Variants in CHKA observed in about 807,000 individuals in gnomAD.
CHKA encodes choline kinase alpha.
A neutral mutation model predicts 60.1 loss-of-function variants in CHKA; 34 were observed. The observed-to-expected ratio is 0.57, with a 90% CI of 0.43 to 0.75. CHKA has a LOEUF of 0.75. Ranked by LOEUF, CHKA falls within the 30% of genes least tolerant of loss-of-function variation. CHKA has a pLI of 0.00. For missense variants in CHKA, 563 were observed against 561.3 expected (o/e 1.00, Z -0.03); for synonymous variants, 217 against 223.1 (o/e 0.97, Z 0.24).
At chr11:68,059,584 T>G (rs1856147683) in intron 11 of CHKA, among the ~76,000 whole-genome samples, 1 of 152,242 alleles carries the variant, frequency 6.6e-6, no homozygotes, top group Non-Finnish European at 1.5e-5. Flanking sequence ...AATACTGACA[T>G]GCTATGTTTT....
At chr11:68,115,270 C>T (rs1032387229) in intron 1 of CHKA, among the ~76,000 whole-genome samples, 2 of 152,076 alleles carry the variant, frequency 1.3e-5, no homozygotes, top group Non-Finnish European at 2.9e-5. Flanking sequence ...AGGGCATAAC[C>T]CTGTTGAAGT....
chr11:68,091,088 T>G (rs1448558216), intron 2 of CHKA, among the ~76,000 whole-genome samples: 1 of 152,240 alleles, frequency 6.6e-6, no homozygotes, highest in African/African-American at 2.4e-5. Flanking sequence ...GAGCTCATGT[T>G]CCTTCCCAGT....
rs1858626189 is a variant in CHKA at position 68,121,026 on chromosome 11, T to C, written c.152A>G (p.Gln51Arg). ...AGGGGGCAGCGCGAGCGGCGGCTGT[T>C]GGCCGCCCAGCTGCTTGGACTCGAG... ...SDLESKQLGG[Q>R]QPPLALPPPP... is the part of the protein sequence containing the mutation. Residue 51 changes from glutamine to arginine, a missense_variant, in exon 1 of 12, where the codon CAA (glutamine) becomes CGA (arginine). By Grantham distance (43) the Gln-to-Arg change is conservative (BLOSUM62 1). Coordinates refer to ENST00000265689, the MANE Select transcript of CHKA (RefSeq NM_001277.3). 2 of 1,099,162 alleles carry C rather than the reference T, an allele frequency of 1.8e-6. No homozygotes were observed. The highest frequency in any genetic ancestry group is 5.2e-5 in the Admixed American group (1 of 19,242). The allele number at this position is 1,099,162 out of a possible 1,614,324, so 68.1% of individuals were successfully genotyped here. A position where few individuals can be genotyped will look rare whatever the true frequency, so the allele number is the denominator to read the frequency against.
intron 1 of CHKA, among the ~76,000 whole-genome samples, chr11:68,104,129 C>T (rs1251155519): frequency 6.6e-6 from 1 of 151,990 alleles, no homozygotes; most frequent in Non-Finnish European, 1.5e-5. Flanking sequence ...GGTATATATA[C>T]ACAGTAGAAT....
At chr11:68,103,737 C>A (rs989294663) in intron 1 of CHKA, among the ~76,000 whole-genome samples, 2 of 151,748 alleles carry the variant, frequency 1.3e-5, no homozygotes, top group African/African-American at 4.8e-5. Flanking sequence ...CATGGTGAAA[C>A]TCTGTCTCTA....
chr11:68,110,276 A>G (rs533661049), intron 1 of CHKA, among the ~76,000 whole-genome samples: 1 of 152,338 alleles, frequency 6.6e-6, no homozygotes, highest in East Asian at 1.9e-4. Flanking sequence ...ACTAATAAGA[A>G]AAGGAAATTA....
chr11:68,066,288 G>A, intron 8 of CHKA, 141 bp downstream of exon 8: 1 of 694,188 alleles, frequency 1.4e-6, no homozygotes, highest in Non-Finnish European at 2.5e-6. Context: ...CCGGCCACTG[G>A]ACGAGAAGCC....
intron 8 of CHKA, 77 bp from the exon 9 acceptor site, chr11:68,065,971 A>C: frequency 9.4e-7 from 1 of 1,059,814 alleles, no homozygotes; most frequent in African/African-American, 1.6e-5. Flanking sequence ...AGAAGAAAGA[A>C]AGGCTGAGTT....
At chr11:68,085,953 G>T (rs1857165117) in intron 2 of CHKA, among the ~76,000 whole-genome samples, 1 of 152,004 alleles carries the variant, frequency 6.6e-6, no homozygotes, top group Non-Finnish European at 1.5e-5. Context: ...TTTTAAATGA[G>T]ACTATGAAAA....
intron 2 of CHKA, among the ~76,000 whole-genome samples, chr11:68,091,456 C>G (rs1455767177): frequency 6.6e-6 from 1 of 152,024 alleles, no homozygotes; most frequent in African/African-American, 2.4e-5. Flanking sequence ...TCAAAAGGAC[C>G]CATTCTTGAC....
intron 1 of CHKA, among the ~76,000 whole-genome samples, chr11:68,118,568 C>T (rs887565060): frequency 2.0e-5 from 3 of 152,208 alleles, no homozygotes; most frequent in African/African-American, 7.2e-5. Context: ...TCTCCTTCTC[C>T]GCACCTCCAA....
At chr11:68,070,425 G>T in intron 5 of CHKA, 132 bp from the exon 6 acceptor site, 3 of 732,240 alleles carry the variant, frequency 4.1e-6, no homozygotes, top group South Asian at 1.7e-5. Flanking sequence ...CCCTCTGACT[G>T]CCATGACTGA....
chr11:68,076,383 T>C (rs1328393088), intron 3 of CHKA, among the ~76,000 whole-genome samples: 1 of 152,204 alleles, frequency 6.6e-6, no homozygotes, highest in East Asian at 1.9e-4. Context: ...CAAGAACTTT[T>C]TAGTCCTATG....
intron 11 of CHKA, among the ~76,000 whole-genome samples, chr11:68,059,883 G>T (rs752402588): frequency 1.3e-5 from 2 of 152,198 alleles, no homozygotes; most frequent in Non-Finnish European, 2.9e-5. Context: ...TAATGAACAT[G>T]CATGAGGCCA....
chr11:68,113,435 G>A (rs1199476456), intron 1 of CHKA, among the ~76,000 whole-genome samples: 5 of 152,154 alleles, frequency 3.3e-5, no homozygotes, highest in Admixed American at 6.5e-5. Context: ...GGTGGTTCAC[G>A]CCTGTAATCC....
chr11:68,102,081 CAG>C (rs1247886817), intron 1 of CHKA, among the ~76,000 whole-genome samples: 1 of 145,820 alleles, frequency 6.9e-6, no homozygotes, highest in Non-Finnish European at 1.5e-5. Context: ...GCCTGGGTGA[CAG>C]AGCAAGACTC....
At chr11:68,064,365 G>A (rs933241518) in intron 10 of CHKA, among the ~76,000 whole-genome samples, 160 bp downstream of exon 10, 7 of 151,234 alleles carry the variant, frequency 4.6e-5, no homozygotes, top group South Asian at 4.2e-4. Context: ...CCGAGATTGC[G>A]CCACTGCACT....
At chr11:68,061,693 AGG>A (rs1363751125) in intron 11 of CHKA, 1 of 540,566 alleles carries the variant, frequency 1.8e-6, no homozygotes, top group Non-Finnish European at 3.6e-6. Flanking sequence ...TCTCTGAAGC[AGG>A]GGAGGCAAGG....
chr11:68,098,972 G>A (rs1223144361), intron 1 of CHKA, among the ~76,000 whole-genome samples: 1 of 152,114 alleles, frequency 6.6e-6, no homozygotes, highest in Non-Finnish European at 1.5e-5. Flanking sequence ...GGCACACCAT[G>A]CCTGACCTTA....
Sources: allele counts gnomAD v4.1 joint callset (sites outside exome capture counted in the v4.1 genomes callset), GRCh38; gene constraint gnomAD v4.1.1; transcripts MANE v1.5; gene names NCBI Gene and HGNC (gene_info 2026-07-23, HGNC 2026-07-21).